The following HELB variants were observed in gnomAD, a reference collection of about 807,000 sequenced individuals.
HELB encodes the protein DNA 5'-3' helicase B.
Under a neutral mutation model 101.7 loss-of-function variants are expected in HELB, and 96 were observed. The ratio of observed to expected loss-of-function variants is 0.94; its 90% CI spans 0.80 to 1.12. The LOEUF (loss-of-function observed/expected upper bound fraction) is 1.12, where lower values mean the gene tolerates loss of function less well. Ranked by LOEUF, HELB falls within the 50% of genes most tolerant of loss-of-function variation. The pLI, the probability that HELB is intolerant of heterozygous loss-of-function variation, is 0.00. For missense variants in HELB, 1,210 were observed against 1,291.9 expected (o/e 0.94, Z 0.97); for synonymous variants, 437 against 459.7 (o/e 0.95, Z 0.63).
rs76473015 is a variant in HELB at position 66,315,244 on chromosome 12, G to T, written c.1861G>T (p.Asp621Tyr). The T allele has an allele frequency of 4.5e-6, 7 of 1,560,314 alleles. No homozygotes were observed. The highest frequency in any genetic ancestry group is 4.0e-5 in the Admixed American group (2 of 50,536). ...TACTGTATCTTTTTTTCTTTTAGGTGACATTAGACAGTTACCCAGTATTGA... is the reference window on the plus strand; with the variant it reads ...TACTGTATCTTTTTTTCTTTTAGGTTACATTAGACAGTTACCCAGTATTGA... Reference protein sequence around the residue: ...SKLSKLIILGDIRQLPSIEPG... With the variant: ...SKLSKLIILGYIRQLPSIEPG... The change falls in exon 6 of 13, where the codon GAC becomes TAC. Residue 621 changes from aspartate (D) to tyrosine (Y), a missense_variant and splice_region_variant. Around this residue, in one of 2 missense-constraint regions of HELB, gnomAD observed 740 missense variants for 728.8 expected, o/e 1.02. Transcript: ENST00000247815.
At chr12:66,311,155 T>TG (rs1256460442) in intron 4 of HELB, among the ~76,000 whole-genome samples, 3 of 92,690 alleles carry the variant, frequency 3.2e-5, no homozygotes, top group Admixed American at 1.1e-4. Flanking sequence ...GTAAGTCTTA[T>TG]GGAAAAAAAA....
intron 4 of HELB, among the ~76,000 whole-genome samples, chr12:66,312,643 G>A (rs2053557484): frequency 6.6e-6 from 1 of 152,192 alleles, no homozygotes; most frequent in African/African-American, 2.4e-5. Context: ...TTAGTTGGTA[G>A]TATCTTAATA....
chr12:66,337,677 G>T (rs2053881202), intron 12 of HELB, among the ~76,000 whole-genome samples: 1 of 151,832 alleles, frequency 6.6e-6, no homozygotes, highest in Admixed American at 6.6e-5. Context: ...TTTGAACAAG[G>T]GGCCATCATT....
chr12:66,325,467 T>C (rs2053726433), intron 11 of HELB, among the ~76,000 whole-genome samples: 1 of 152,160 alleles, frequency 6.6e-6, no homozygotes, highest in Non-Finnish European at 1.5e-5. Context: ...GTGCCTTAAT[T>C]TTGATTTACA....
At chr12:66,305,405 C>T (rs560733889) in intron 2 of HELB, among the ~76,000 whole-genome samples, 1 of 152,172 alleles carries the variant, frequency 6.6e-6, no homozygotes, top group Non-Finnish European at 1.5e-5. Flanking sequence ...CTCTTTCTAA[C>T]TTTTGTATTC....
Position 66,322,788 on chromosome 12 carries a change from G to T in HELB, c.2297+5G>T. On this transcript the variant is annotated splice_donor_5th_base_variant and intron_variant, in intron 9 of 12. Transcript: ENST00000247815. ...CTACACAGGCCACCTCACCAAGTGA[G>T]TGTCTTCGAGAACTGAAACTTTTAA... 8 of 1,592,076 alleles carry T rather than the reference G, an allele frequency of 5.0e-6. No homozygotes were observed. Among genetic ancestry groups the T allele is most frequent in the Non-Finnish European group, 6.9e-6 (8 of 1,165,348 alleles).
Position 66,304,724 on chromosome 12 carries a change from T to G in HELB, c.188-7T>G. On this transcript the variant is annotated splice_polypyrimidine_tract_variant and splice_region_variant and intron_variant, in intron 1 of 12. Coordinates refer to ENST00000247815, the MANE Select transcript of HELB (RefSeq NM_001370285.1). ...ACTTTTGTGGGTTTTTGTTTGTTTT[T>G]TTTTAGTTTCTATTTGTGATGAAAA... 6.4e-7 allele frequency: 1 copy of G among 1,570,484 alleles called. No individual in the cohort carries two copies. The highest frequency in any genetic ancestry group is 8.6e-7 in the Non-Finnish European group (1 of 1,163,332).
At chr12:66,308,306 C>T (rs1026112404) in intron 3 of HELB, among the ~76,000 whole-genome samples, 1 of 152,064 alleles carries the variant, frequency 6.6e-6, no homozygotes, top group African/African-American at 2.4e-5. Flanking sequence ...TCAGGTTTTT[C>T]ATTAGGGAAC....
chr12:66,338,159 T>C lies in HELB; in HGVS notation c.*57T>C. On this transcript the variant is annotated 3_prime_UTR_variant, in exon 13 of 13. Coordinates refer to ENST00000247815, the MANE Select transcript of HELB (RefSeq NM_001370285.1). ...TTTTCTATTGGAGACAAAATGAACA[T>C]CGTAACGTCAAAGTACCAAGATAAA... is the stretch of plus-strand genomic sequence containing the variant. 3.0e-6 allele frequency: 3 copies of C among 1,013,978 alleles called. No individual in the cohort carries two copies. The Admixed American group carries it at 5.6e-5, about 19-fold the overall frequency. 62.8% of individuals were successfully genotyped at this position (1,013,978 alleles called of 1,614,324 possible). A position where few individuals can be genotyped will look rare whatever the true frequency, so the allele number is the denominator to read the frequency against.
In HELB at chr12:66,314,585, A is replaced by T. The variant is rs2053580388; in HGVS notation, c.1858+422A>T. Among the ~76,000 whole-genome samples, 3 of 152,196 alleles carry T rather than the reference A, an allele frequency of 2.0e-5. No homozygotes were observed. In the South Asian group the frequency reaches 6.2e-4, roughly 31 times the overall value. ...AGTCCTTCCAATTCTGATAAGATTC[A>T]GTTAGATTCTCTTGGGTAGTCATGC... On this transcript the variant is annotated intron_variant, in intron 5 of 12. Transcript: ENST00000247815.
intron 12 of HELB, among the ~76,000 whole-genome samples, chr12:66,333,427 G>A (rs1335780027): frequency 2.0e-5 from 3 of 152,204 alleles, no homozygotes; most frequent in Non-Finnish European, 4.4e-5. Context: ...GCTCATGCCT[G>A]TAATCCCAGC....
intron 5 of HELB, 98 bp downstream of exon 5, chr12:66,314,261 A>G: frequency 1.5e-5 from 15 of 1,033,986 alleles, no homozygotes; most frequent in Non-Finnish European, 2.2e-5. Context: ...ACCAGAATTG[A>G]TACCAAAGCT....
At chr12:66,335,271 G>C (rs2053854356) in intron 12 of HELB, among the ~76,000 whole-genome samples, 1 of 152,204 alleles carries the variant, frequency 6.6e-6, no homozygotes. Flanking sequence ...GATATTGCAA[G>C]GACTAGGTGA....
chr12:66,310,965 A>G (rs933739501), intron 4 of HELB, among the ~76,000 whole-genome samples: 1 of 152,098 alleles, frequency 6.6e-6, no homozygotes, highest in Admixed American at 6.6e-5. Flanking sequence ...TACCTTAAAG[A>G]CAAACTTATT....
At chr12:66,322,097 T>A in intron 8 of HELB, 68 bp downstream of exon 8, 1 of 638,200 alleles carries the variant, frequency 1.6e-6, no homozygotes, top group African/African-American at 1.9e-5. Flanking sequence ...TTAATATAGA[T>A]CCTGTTTGGA....
chr12:66,321,953 T>C lies in HELB; in HGVS notation c.2161T>C (p.Tyr721His). The C allele has an allele frequency of 9.2e-7, 1 of 1,089,166 alleles. No individual in the cohort carries two copies. Among genetic ancestry groups the C allele is most frequent in the Non-Finnish European group, 1.4e-6 (1 of 732,712 alleles). 67.5% of individuals were successfully genotyped at this position (1,089,166 alleles called of 1,614,324 possible). A position where few individuals can be genotyped will look rare whatever the true frequency, so the allele number is the denominator to read the frequency against. The change falls in exon 8 of 13, where the codon TAT becomes CAT. Residue 721 changes from tyrosine (Y) to histidine (H), a missense_variant. Coordinates refer to ENST00000247815, the MANE Select transcript of HELB (RefSeq NM_001370285.1). ...TTTTTCTCTTGAATTATTAGGTTTA[T>C]ATTCTGCAGTTAAAACTTTACTACA... ...SSKTNHHSCL[Y>H]SAVKTLLQEN...
At position 66,323,993 on chromosome 12, in the gene HELB, A is replaced by G; in HGVS notation, c.2308A>G (p.Ser770Gly). ...YTGHLTKDHQ[S>G]RLVFGIGDKI... is the part of the protein sequence containing the mutation. Reference sequence around the variant, plus strand: ...CATTTTCTATCCCAGAGACCATCAGAGTAGACTTGTTTTTGGAATTGGTGA... The same window carrying G: ...CATTTTCTATCCCAGAGACCATCAGGGTAGACTTGTTTTTGGAATTGGTGA... The change falls in exon 10 of 13, where the codon AGT (serine) becomes GGT (glycine). Residue 770 changes from serine (S) to glycine (G), a missense_variant. Ser to Gly is a moderately conservative substitution (Grantham distance 56). Around this residue, in one of 2 missense-constraint regions of HELB, gnomAD observed 740 missense variants for 728.8 expected, o/e 1.02. Coordinates refer to ENST00000247815, the MANE Select transcript of HELB (RefSeq NM_001370285.1). 1.2e-6 allele frequency: 2 copies of G among 1,606,336 alleles called. No individual in the cohort carries two copies. Among genetic ancestry groups the G allele is most frequent in the Non-Finnish European group, 8.5e-7 (1 of 1,173,322 alleles).
At chr12:66,324,236 C>A (rs1336723973) in intron 10 of HELB, 25 bp downstream of exon 10, 2 of 1,419,148 alleles carry the variant, frequency 1.4e-6, no homozygotes, top group Non-Finnish European at 2.0e-6. Context: ...AAGATAATAT[C>A]TTTTAACTAA....
chr12:66,324,112 T>C lies in HELB; in HGVS notation c.2427T>C (p.Ser809=). Reference sequence around the variant, plus strand: ...AAAATAATGATCTAGATGCCAGTAGTGAAGACTTTTCTGGTACGCTTCCTG... The same window carrying C: ...AAAATAATGATCTAGATGCCAGTAGCGAAGACTTTTCTGGTACGCTTCCTG... The part of the protein sequence containing the change: ...SQQNNDLDAS[S]EDFSGTLPDF... Residue 809 remains serine (S), a synonymous_variant, in exon 10 of 13, where the codon AGT becomes AGC. Coordinates refer to ENST00000247815, the MANE Select transcript of HELB (RefSeq NM_001370285.1). 1 of 1,613,926 alleles carries C rather than the reference T, an allele frequency of 6.2e-7. No homozygotes were observed. Among genetic ancestry groups the C allele is most frequent in the South Asian group, 1.1e-5 (1 of 91,074 alleles).
Sources: gnomAD v4.1 joint callset for allele counts (sites outside exome capture counted in the v4.1 genomes callset) on GRCh38, gnomAD v4.1.1 for gene constraint, gnomAD v4.1.1 regional missense constraint, MANE v1.5 for transcripts, NCBI Gene and HGNC (gene_info 2026-07-23, HGNC 2026-07-21) for gene names.